The following AK8 variants were observed in gnomAD, a reference collection of about 807,000 sequenced individuals.
The protein encoded by AK8 is adenylate kinase 8.
A neutral mutation model predicts 54.6 loss-of-function variants in AK8; 44 were observed. The observed-to-expected ratio is 0.81, with a 90% CI of 0.63 to 1.04. The LOEUF is 1.04. Ranked by LOEUF, AK8 falls within the 50% of genes least tolerant of loss-of-function variation. The probability of loss-of-function intolerance (pLI) is 0.00; values close to 1 mark genes in which losing one functional copy is unlikely to be tolerated. For missense variants in AK8, 555 were observed against 613.6 expected, an observed-to-expected ratio of 0.90 and a Z score of 1.01; for synonymous variants, 239 against 245.6, an observed-to-expected ratio of 0.97 and a Z score of 0.25.
In AK8 at chr9:132,792,785, AG is replaced by A. The variant is rs1447187183; in HGVS notation, c.980-11del. On this transcript the variant is annotated splice_polypyrimidine_tract_variant and intron_variant, in intron 10 of 12. Transcript: ENST00000298545. The stretch of plus-strand genomic sequence containing the variant: ...AGGAGGCTGTCAGGAACTGCAGAGA[AG>A]GGGGGCAAGTGAGTACCCTGCTGGC... The A allele has an allele frequency of 5.8e-6, 9 of 1,556,610 alleles. No homozygotes were observed. The highest frequency in any genetic ancestry group is 1.4e-5 in the African/African-American group (1 of 73,446).
At chr9:132,859,388 C>A (rs915894309) in intron 4 of AK8, among the ~76,000 whole-genome samples, 5 of 152,118 alleles carry the variant, frequency 3.3e-5, no homozygotes, top group African/African-American at 1.2e-4. Flanking sequence ...AGGCGCCCCC[C>A]ACCATGCCCA....
chr9:132,751,378 C>CA (rs1208975942), intron 11 of AK8, among the ~76,000 whole-genome samples: 1,307 of 49,642 alleles, frequency 0.026, 11 homozygotes, highest in South Asian at 0.035. Context: ...AGTGAGACTC[C>CA]AAAAAAAAAA....
chr9:132,744,814 A>G (rs1370036098), intron 11 of AK8, among the ~76,000 whole-genome samples: 1 of 152,228 alleles, frequency 6.6e-6, no homozygotes, highest in Non-Finnish European at 1.5e-5. Context: ...TAGAATTAAT[A>G]TTTATGCTGC....
chr9:132,745,624 G>A (rs990140200), intron 11 of AK8, among the ~76,000 whole-genome samples: 2 of 152,254 alleles, frequency 1.3e-5, no homozygotes, highest in South Asian at 2.1e-4. Context: ...CTTCATGACC[G>A]TGGTGACACT....
chr9:132,828,160 T>C lies in AK8; in HGVS notation c.485-76A>G. On this transcript the variant is annotated intron_variant, in intron 6 of 12. Transcript: ENST00000298545. ...CACACATTTGAATATCACAGACCAA[T>C]ACTTGCTTTACGTTTTTTGCTTTTC... 10 of 1,301,002 alleles carry C rather than the reference T, an allele frequency of 7.7e-6. No individual in the cohort carries two copies. The South Asian group carries it at 1.3e-4, about 17-fold the overall frequency. The allele number at this position is 1,301,002 out of a possible 1,614,324, so 80.6% of individuals were successfully genotyped here. A position where few individuals can be genotyped will look rare whatever the true frequency, so the allele number is the denominator to read the frequency against.
intron 5 of AK8, among the ~76,000 whole-genome samples, chr9:132,835,674 T>C (rs532955925): frequency 2.0e-5 from 3 of 152,278 alleles, no homozygotes; most frequent in Admixed American, 6.5e-5. Context: ...TCACGGTTGA[T>C]GAAATAATTA....
intron 11 of AK8, among the ~76,000 whole-genome samples, chr9:132,783,533 T>C (rs1839567609): frequency 6.6e-6 from 1 of 150,812 alleles, no homozygotes; most frequent in East Asian, 1.9e-4. Context: ...GGGACCCAGT[T>C]ATAGGTGCTA....
At chr9:132,734,096 G>A (rs1836986571) in intron 11 of AK8, among the ~76,000 whole-genome samples, 1 of 152,188 alleles carries the variant, frequency 6.6e-6, no homozygotes, top group South Asian at 2.1e-4. Context: ...GTGATTTGTA[G>A]GCACATTAAG....
chr9:132,766,270 C>T (rs1447777842), intron 11 of AK8, among the ~76,000 whole-genome samples: 2 of 152,174 alleles, frequency 1.3e-5, no homozygotes, highest in Non-Finnish European at 2.9e-5. Flanking sequence ...CTCCAACATG[C>T]CTGGCTGATT....
upstream of AK8, chr9:132,878,459 G>C: frequency 8.2e-7 from 1 of 1,222,852 alleles, no homozygotes; most frequent in Non-Finnish European, 1.0e-6. The surrounding 1 kb of genome is among the most constrained non-coding windows in gnomAD (Gnocchi z 4.7). Context: ...CCCAACCCCG[G>C]CCTCGCTTTT....
upstream of AK8, chr9:132,878,397 C>T (rs570701949): frequency 4.0e-5 from 50 of 1,242,236 alleles, no homozygotes; most frequent in East Asian, 9.9e-4. This position sits in a 1 kb window ranked among gnomAD's most constrained non-coding sequence, Gnocchi z 4.7. Context: ...GCGGGTCGCC[C>T]CCGCCCCGAC....
chr9:132,865,667 GC>G (rs1340602459), intron 3 of AK8, among the ~76,000 whole-genome samples: 1 of 152,024 alleles, frequency 6.6e-6, no homozygotes, highest in Non-Finnish European at 1.5e-5. Flanking sequence ...ACAAAAATTA[GC>G]TGGGCATGGT....
intron 10 of AK8, among the ~76,000 whole-genome samples, chr9:132,807,038 T>C (rs1205931959): frequency 6.6e-6 from 1 of 152,210 alleles, no homozygotes; most frequent in Admixed American, 6.5e-5. Context: ...CATCACCTTT[T>C]CTACATACCA....
At position 132,837,480 on chromosome 9, in the gene AK8, T is replaced by A. The variant is rs1039739004; in HGVS notation, c.403-8754A>T. 6.6e-6 allele frequency among the ~76,000 whole-genome samples: 1 copy of A among 152,078 alleles called. No homozygotes were observed. Among genetic ancestry groups the A allele is most frequent in the Non-Finnish European group, 1.5e-5 (1 of 68,014 alleles). ...GAGTGATGTGGTCAGTACTTCTGGGTCCAGTCCCGTTCCCATCATCTCCGT... is the reference window on the plus strand; with the variant it reads ...GAGTGATGTGGTCAGTACTTCTGGGACCAGTCCCGTTCCCATCATCTCCGT... On this transcript the variant is annotated intron_variant, in intron 5 of 12. Coordinates refer to ENST00000298545, the MANE Select transcript of AK8 (RefSeq NM_152572.3). The surrounding 1 kb of genome is among the most constrained non-coding windows in gnomAD (Gnocchi z 4.3).
intron 11 of AK8, among the ~76,000 whole-genome samples, chr9:132,776,018 C>T (rs948507613): frequency 7.2e-5 from 11 of 152,190 alleles, no homozygotes; most frequent in East Asian, 1.9e-4. Flanking sequence ...AGTTTTAACC[C>T]GAGAAAGCAG....
At chr9:132,875,296 C>A in intron 1 of AK8, 97 bp from the exon 2 acceptor site, 1 of 1,526,194 alleles carries the variant, frequency 6.6e-7, no homozygotes, top group Non-Finnish European at 8.8e-7. Flanking sequence ...CCACTGCACC[C>A]CACCAAACAT....
chr9:132,792,511 CA>C (rs1564403235), intron 11 of AK8, 122 bp downstream of exon 11: 5 of 1,352,018 alleles, frequency 3.7e-6, no homozygotes. Flanking sequence ...TGGGGATGAC[CA>C]GGAGACATTC....
intron 11 of AK8, among the ~76,000 whole-genome samples, chr9:132,749,703 T>G (rs75553853): frequency 7.8e-6 from 1 of 127,950 alleles, no homozygotes; most frequent in African/African-American, 2.9e-5. Flanking sequence ...ATTTACTCTG[T>G]TTTTTTTTTT....
intron 11 of AK8, among the ~76,000 whole-genome samples, chr9:132,744,855 A>AG (rs1195677543): frequency 6.6e-6 from 1 of 152,230 alleles, no homozygotes; most frequent in Non-Finnish European, 1.5e-5. Context: ...GGACAGAGAA[A>AG]GGGGGGCCGT....
Sources: gnomAD v4.1 joint callset for allele counts (sites outside exome capture counted in the v4.1 genomes callset) on GRCh38, gnomAD v4.1.1 for gene constraint, Gnocchi (gnomAD v3.1) non-coding constraint, MANE v1.5 for transcripts, NCBI Gene and HGNC (gene_info 2026-07-23, HGNC 2026-07-21) for gene names.